The following TTC29 variants were observed in gnomAD, a reference collection of about 807,000 sequenced individuals.
The protein encoded by TTC29 is tetratricopeptide repeat domain 29.
In TTC29, 49 loss-of-function variants were observed where a neutral mutation model predicts 58.1. The observed-to-expected ratio is 0.84, with a 90% CI of 0.67 to 1.07. TTC29 has a LOEUF of 1.07. Among genes scored for constraint, TTC29 ranks in the 50% least tolerant of loss-of-function variants. The pLI is 0.00. For synonymous variants in TTC29, 209 were observed against 196.8 expected, an observed-to-expected ratio of 1.06 and a Z score of -0.52; for missense variants, 582 against 555.6, an observed-to-expected ratio of 1.05 and a Z score of -0.48.
At chr4:146,887,689 AAC>A (rs2150243112) in intron 6 of TTC29, among the ~76,000 whole-genome samples, 1 of 152,166 alleles carries the variant, frequency 6.6e-6, no homozygotes, top group East Asian at 1.9e-4. Flanking sequence ...CCCAGTTTTA[AAC>A]AATTGAGGAC....
intron 11 of TTC29, among the ~76,000 whole-genome samples, chr4:146,772,742 G>GT (rs905114932): frequency 1.3e-5 from 2 of 151,842 alleles, no homozygotes; most frequent in South Asian, 2.1e-4. Flanking sequence ...TAAATAGTTG[G>GT]TTTTTTTGGT....
chr4:146,893,919 A>T (rs1199220611), intron 6 of TTC29, among the ~76,000 whole-genome samples: 1 of 152,236 alleles, frequency 6.6e-6, no homozygotes, highest in African/African-American at 2.4e-5. Context: ...GCCAAAAGAC[A>T]CATGAAAAAA....
chr4:146,908,238 T>TC (rs1317328631), intron 5 of TTC29, among the ~76,000 whole-genome samples: 2 of 152,142 alleles, frequency 1.3e-5, no homozygotes, highest in Non-Finnish European at 2.9e-5. Context: ...TGTGGTATTT[T>TC]CCCCAAAAAA....
chr4:146,850,825 CTT>C (rs1463879152), intron 8 of TTC29, among the ~76,000 whole-genome samples: 4 of 152,102 alleles, frequency 2.6e-5, no homozygotes, highest in Non-Finnish European at 1.5e-5. Context: ...ATATTATAAA[CTT>C]ATAAAATGGA....
intron 11 of TTC29, among the ~76,000 whole-genome samples, chr4:146,732,936 A>G (rs1423055092): frequency 1.3e-5 from 2 of 152,194 alleles, no homozygotes; most frequent in Non-Finnish European, 2.9e-5. Context: ...GGGAGAGAAA[A>G]GAGTCATCAC....
At chr4:146,919,521 T>C (rs1734448546) in intron 4 of TTC29, among the ~76,000 whole-genome samples, 1 of 151,024 alleles carries the variant, frequency 6.6e-6, no homozygotes, top group African/African-American at 2.4e-5. Context: ...AATATCATCA[T>C]ACTCACTCAT....
intron 11 of TTC29, among the ~76,000 whole-genome samples, chr4:146,714,900 G>A (rs984739049): frequency 6.6e-6 from 1 of 152,118 alleles, no homozygotes; most frequent in Non-Finnish European, 1.5e-5. Flanking sequence ...ACAGGGTCTC[G>A]CTTGCTGCAG....
chr4:146,918,422 C>G (rs1734376375), intron 4 of TTC29, among the ~76,000 whole-genome samples: 2 of 151,040 alleles, frequency 1.3e-5, no homozygotes, highest in African/African-American at 4.8e-5. Context: ...TTCATTTCAA[C>G]ATGGGTGATT....
intron 11 of TTC29, among the ~76,000 whole-genome samples, chr4:146,747,051 A>C (rs1477768466): frequency 6.6e-6 from 1 of 152,050 alleles, no homozygotes; most frequent in Non-Finnish European, 1.5e-5. Context: ...AACCAGTAGA[A>C]ACTTCTCCCT....
intron 11 of TTC29, among the ~76,000 whole-genome samples, chr4:146,777,605 C>CCAGAGAAGAAGCCAG (rs1748208398): frequency 6.6e-6 from 1 of 152,046 alleles, no homozygotes; most frequent in African/African-American, 2.4e-5. Flanking sequence ...CTTTCTTCTC[C>CCAGAGAAGAAGCCAG]AGCTGCAGTG....
At chr4:146,764,075 C>T (rs1347005292) in intron 11 of TTC29, 1 of 152,044 alleles carries the variant, frequency 6.6e-6, no homozygotes, top group East Asian at 1.9e-4. Flanking sequence ...GGAGGATATA[C>T]CCCAAAAGCA....
intron 6 of TTC29, among the ~76,000 whole-genome samples, chr4:146,900,683 G>C (rs1733084693): frequency 6.6e-6 from 1 of 152,172 alleles, no homozygotes; most frequent in Non-Finnish European, 1.5e-5. Context: ...TTAAAAATCA[G>C]AATGAGAGGG....
At position 146,864,274 on chromosome 4, in the gene TTC29, C is replaced by T. The variant is rs1371315360; in HGVS notation, c.885+3224G>A. ...CAGTTCCACAGCCAGGAACTCAGGGCCCATCTTCGCACCTCTGTTTCCCTC... is the reference window on the plus strand; with the variant it reads ...CAGTTCCACAGCCAGGAACTCAGGGTCCATCTTCGCACCTCTGTTTCCCTC... On this transcript the variant is annotated intron_variant, in intron 8 of 12. Coordinates refer to ENST00000325106, the MANE Select transcript of TTC29 (RefSeq NM_031956.4). Among the ~76,000 whole-genome samples, 4 of 152,082 alleles carry T rather than the reference C, an allele frequency of 2.6e-5. No homozygotes were observed. The East Asian group carries it at 5.8e-4, about 22-fold the overall frequency.
intron 11 of TTC29, among the ~76,000 whole-genome samples, chr4:146,751,789 G>A (rs997442159): frequency 1.3e-5 from 2 of 151,660 alleles, no homozygotes; most frequent in African/African-American, 4.8e-5. Context: ...ATACCTCCAG[G>A]AACTAGAAAA....
chr4:146,790,987 A>C (rs1749407892), intron 11 of TTC29, among the ~76,000 whole-genome samples: 1 of 152,182 alleles, frequency 6.6e-6, no homozygotes, highest in Non-Finnish European at 1.5e-5. Context: ...CAGGGCAGCT[A>C]CTTCTTTTGT....
At chr4:146,793,202 C>A (rs1370827080) in intron 11 of TTC29, among the ~76,000 whole-genome samples, 1 of 152,128 alleles carries the variant, frequency 6.6e-6, no homozygotes, top group Non-Finnish European at 1.5e-5. Context: ...AAGAGAAGTT[C>A]TACAGTGGGT....
chr4:146,874,657 G>A (rs1360742515), intron 7 of TTC29, 59 bp downstream of exon 7: 5 of 1,342,264 alleles, frequency 3.7e-6, no homozygotes, highest in Admixed American at 2.0e-5. Context: ...CTTCACTCTT[G>A]GGAGAAACAG....
chr4:146,904,317 T>A (rs964050636), intron 5 of TTC29, among the ~76,000 whole-genome samples: 1 of 152,190 alleles, frequency 6.6e-6, no homozygotes, highest in Non-Finnish European at 1.5e-5. Flanking sequence ...TCTAGCAATG[T>A]TAAGAAAGAG....
chr4:146,762,329 T>C lies in TTC29; in HGVS notation c.1330+41128A>G, dbSNP rs116941408. Among the ~76,000 whole-genome samples, 546 of 150,960 alleles carry C rather than the reference T, an allele frequency of 3.6e-3. 4 individuals are homozygous for C. The highest frequency in any genetic ancestry group is 0.018 in the South Asian group (87 of 4,770). ...TAGAAAGCTCTCAGCAGTATATCTA[T>C]TGGATCAGTGTAATTTCTTTTTTTT... On this transcript the variant is annotated intron_variant, in intron 11 of 12. Transcript: ENST00000325106.
Sources: gnomAD v4.1 joint callset for allele counts (sites outside exome capture counted in the v4.1 genomes callset) on GRCh38, gnomAD v4.1.1 for gene constraint, MANE v1.5 for transcripts, NCBI Gene and HGNC (gene_info 2026-07-23, HGNC 2026-07-21) for gene names.